Variants in PTPRS observed in about 807,000 individuals in gnomAD.
PTPRS encodes receptor-type tyrosine-protein phosphatase S.
PTPRS carries 63 observed loss-of-function variants against 215.3 expected under a neutral mutation model. The ratio of observed to expected loss-of-function variants is 0.29; its 90% CI spans 0.24 to 0.36. The LOEUF (loss-of-function observed/expected upper bound fraction) is 0.36, where lower values mean the gene tolerates loss of function less well. Among genes scored for constraint, PTPRS ranks in the 10% least tolerant of loss-of-function variants. The probability of loss-of-function intolerance (pLI) is 1.00; values close to 1 mark genes in which losing one functional copy is unlikely to be tolerated. For missense variants in PTPRS, 2,258 were observed against 2,825.8 expected, an observed-to-expected ratio of 0.80 and a Z score of 4.56; for synonymous variants, 1,404 against 1,191.4, an observed-to-expected ratio of 1.18 and a Z score of -3.68.
In PTPRS at chr19:5,212,481, C is replaced by T; in HGVS notation, c.4625G>A (p.Ser1542Asn). 1 of 1,590,332 alleles carries T rather than the reference C, an allele frequency of 6.3e-7. No homozygotes were observed. The highest frequency in any genetic ancestry group is 8.6e-7 in the Non-Finnish European group (1 of 1,168,050). ...GAACTGGCGGACCTCGCGTTTCTCA[C>T]TGGAGCCATTCTGGGGACCACAAGG... ...RTFSLHKNGSSEKREVRQFQF... is the reference protein window; with the variant it reads ...RTFSLHKNGSNEKREVRQFQF... Residue 1542 changes from serine (S) to asparagine (N), a missense_variant, in exon 31 of 38, where the codon AGT becomes AAT. By Grantham distance (46) the Ser-to-Asn change is conservative. Coordinates refer to ENST00000262963, the MANE Select transcript of PTPRS (RefSeq NM_002850.4).
intron 9 of PTPRS, among the ~76,000 whole-genome samples, chr19:5,247,094 G>A (rs1430828830): frequency 6.6e-6 from 1 of 151,332 alleles, no homozygotes; most frequent in East Asian, 1.9e-4. Context: ...GAAAGAAGGG[G>A]GGGCCCACTT....
chr19:5,209,139 A>T (rs545812022), intron 35 of PTPRS, among the ~76,000 whole-genome samples: 35 of 152,108 alleles, frequency 2.3e-4, no homozygotes, highest in African/African-American at 8.4e-4. Context: ...ATCCACCACC[A>T]TCCCCTCTTG....
Position 5,331,779 on chromosome 19 carries a change from G to A in PTPRS, c.-95+8885C>T, listed in dbSNP as rs114266452. Among the ~76,000 whole-genome samples, 992 of 152,310 alleles carry A rather than the reference G, an allele frequency of 6.5e-3. 14 individuals are homozygous for A. Among genetic ancestry groups the A allele is most frequent in the African/African-American group, 0.023 (947 of 41,546 alleles). Reference sequence around the variant, plus strand: ...TAGATAATTCGCAGCCCTGCCCCGCGGGACAGCCGGCTTCCTTCTACGCAG... The same window carrying A: ...TAGATAATTCGCAGCCCTGCCCCGCAGGACAGCCGGCTTCCTTCTACGCAG... On this transcript the variant is annotated intron_variant, in intron 1 of 37. Coordinates refer to ENST00000262963, the MANE Select transcript of PTPRS (RefSeq NM_002850.4).
At chr19:5,208,630 G>A (rs968053972) in intron 35 of PTPRS, among the ~76,000 whole-genome samples, 5 of 151,910 alleles carry the variant, frequency 3.3e-5, no homozygotes, top group Non-Finnish European at 5.9e-5. Flanking sequence ...TTACAGGCAT[G>A]AGCCACCAGG....
At chr19:5,269,581 A>T (rs1568528165) in intron 4 of PTPRS, among the ~76,000 whole-genome samples, 1 of 151,972 alleles carries the variant, frequency 6.6e-6, no homozygotes, top group Non-Finnish European at 1.5e-5. Flanking sequence ...AGGAAGAATG[A>T]GCTCCCAGCC....
intron 26 of PTPRS, 134 bp downstream of exon 26, chr19:5,216,586 A>G (rs2041479730): frequency 1.3e-6 from 1 of 764,014 alleles, no homozygotes; most frequent in South Asian, 1.7e-5. Flanking sequence ...TCCAGGAGCC[A>G]GCACAAGACA....
Position 5,287,646 on chromosome 19 carries a change from T to C in PTPRS, c.-94-1412A>G, listed in dbSNP as rs970816768. 6.6e-6 allele frequency among the ~76,000 whole-genome samples: 1 copy of C among 152,204 alleles called. No individual in the cohort carries two copies. Among genetic ancestry groups the C allele is most frequent in the Non-Finnish European group, 1.5e-5 (1 of 68,028 alleles). ...AATAACGGGGCAGCCCCTGTGATTC[T>C]GACTCCCAAAATACCCAGCTGCGGT... On this transcript the variant is annotated intron_variant, in intron 1 of 37. Coordinates refer to ENST00000262963, the MANE Select transcript of PTPRS (RefSeq NM_002850.4). The surrounding 1 kb of genome is among the most constrained non-coding windows in gnomAD (Gnocchi z 4.8).
At chr19:5,212,700 A>G (rs372244138) in intron 30 of PTPRS, among the ~76,000 whole-genome samples, 6,386 of 152,156 alleles carry the variant, frequency 0.042, 463 homozygotes, top group African/African-American at 0.15. Context: ...AAAATTAGCT[A>G]GGCATGGTGG....
rs771976403 is a variant in PTPRS, at chr19:5,244,229, G to A, written c.1242C>T (p.Ser414=). Residue 414 remains serine (S), a synonymous_variant, in exon 11 of 38, where the codon AGC becomes AGT. Transcript: ENST00000262963. The surrounding 1 kb of genome is among the most constrained non-coding windows in gnomAD (Gnocchi z 7.2). ...CGCCTGTGCGGGTGACCACGGACTC[G>A]CTGGGGGGCCCCTGGCCGATGGAGT... ...AVNSIGQGPP[S]ESVVTRTGEQ... 6.2e-6 allele frequency: 10 copies of A among 1,611,440 alleles called. No homozygotes were observed. Among genetic ancestry groups the A allele is most frequent in the South Asian group, 3.3e-5 (3 of 90,742 alleles).
In PTPRS at chr19:5,338,105, C is replaced by T. The variant is rs898546389; in HGVS notation, c.-95+2559G>A. 1.3e-5 allele frequency among the ~76,000 whole-genome samples: 2 copies of T among 151,414 alleles called. No individual in the cohort carries two copies. Among genetic ancestry groups the T allele is most frequent in the Non-Finnish European group, 1.5e-5 (1 of 67,778 alleles). On this transcript the variant is annotated intron_variant, in intron 1 of 37. Transcript: ENST00000262963. This position sits in a 1 kb window ranked among gnomAD's most constrained non-coding sequence, Gnocchi z 4.2. ...AAAATGACCTGTCACCCATCTCCCGCGGGGAGTGGGGAGCGGGCCAGTCCA... is the reference window on the plus strand; with the variant it reads ...AAAATGACCTGTCACCCATCTCCCGTGGGGAGTGGGGAGCGGGCCAGTCCA...
At chr19:5,296,777 C>T (rs2147061685) in intron 1 of PTPRS, among the ~76,000 whole-genome samples, 1 of 151,920 alleles carries the variant, frequency 6.6e-6, no homozygotes, top group South Asian at 2.1e-4. Context: ...TCAGAGGCCT[C>T]CAGGAGGAAT....
rs116153762 is a variant in PTPRS at position 5,241,833 on chromosome 19, G to A, written c.1571-1501C>T. On this transcript the variant is annotated intron_variant, in intron 11 of 37. Transcript: ENST00000262963. ...GACTGGCCCACTGCCTTAGGGGTGA[G>A]GCAGTTTTCTTTTATTTTTGAGACA... Among the ~76,000 whole-genome samples the A allele has an allele frequency of 2.4e-3, 365 of 151,944 alleles. 2 individuals are homozygous for A. Among genetic ancestry groups the A allele is most frequent in the African/African-American group, 8.4e-3 (347 of 41,452 alleles).
intron 22 of PTPRS, 40 bp from the exon 23 acceptor site, chr19:5,219,507 T>C: frequency 1.3e-6 from 2 of 1,521,072 alleles, no homozygotes; most frequent in Non-Finnish European, 1.8e-6. Flanking sequence ...GTGTCCACCC[T>C]CCTTGTAGTG....
At chr19:5,238,597 AGAG>A (rs2043693268) in intron 13 of PTPRS, among the ~76,000 whole-genome samples, 2 of 152,188 alleles carry the variant, frequency 1.3e-5, no homozygotes, top group African/African-American at 2.4e-5. Flanking sequence ...CAGGATGGAA[AGAG>A]GAGAAAGAAG....
chr19:5,258,974 T>G (rs372455126), intron 7 of PTPRS, among the ~76,000 whole-genome samples: 2 of 152,178 alleles, frequency 1.3e-5, no homozygotes, highest in South Asian at 4.1e-4. Flanking sequence ...CTTCTTCAAG[T>G]GTGTTTGAAA....
chr19:5,211,412 C>A (rs538427330), intron 33 of PTPRS, among the ~76,000 whole-genome samples, 178 bp downstream of exon 33: 2 of 152,156 alleles, frequency 1.3e-5, no homozygotes, highest in Non-Finnish European at 2.9e-5. Flanking sequence ...CAGTTAAACA[C>A]ACACCCAAAG....
chr19:5,225,931 G>A, intron 16 of PTPRS, 87 bp from the exon 17 acceptor site: 1 of 1,096,478 alleles, frequency 9.1e-7, no homozygotes, highest in Non-Finnish European at 1.4e-6. Flanking sequence ...AACAAGCAAG[G>A]AGGATGCAGG....
At position 5,205,977 on chromosome 19, in the gene PTPRS, A is replaced by AG. The variant is rs1304489225; in HGVS notation, c.*796dup. Among the ~76,000 whole-genome samples, 2 of 149,454 alleles carry AG rather than the reference A, an allele frequency of 1.3e-5. No individual in the cohort carries two copies. The highest frequency in any genetic ancestry group is 4.9e-5 in the African/African-American group (2 of 40,630). On this transcript the variant is annotated 3_prime_UTR_variant, in exon 38 of 38. Coordinates refer to ENST00000262963, the MANE Select transcript of PTPRS (RefSeq NM_002850.4). Reference sequence around the variant, plus strand: ...TTTAATTTATAAAAATGAAACAAAAAGGGGGAAAAAAAAAGCCAAGAAAGA... The same window carrying AG: ...TTTAATTTATAAAAATGAAACAAAAAGGGGGGAAAAAAAAAGCCAAGAAAGA...
chr19:5,238,132 C>T (rs946511211), intron 13 of PTPRS, among the ~76,000 whole-genome samples: 27 of 152,148 alleles, frequency 1.8e-4, no homozygotes, highest in African/African-American at 5.3e-4. Context: ...GGGAAGGCCA[C>T]GCTGGGCTGA....
Sources: gnomAD v4.1 joint callset for allele counts (sites outside exome capture counted in the v4.1 genomes callset) on GRCh38, gnomAD v4.1.1 for gene constraint, Gnocchi (gnomAD v3.1) non-coding constraint, MANE v1.5 for transcripts, NCBI Gene and HGNC (gene_info 2026-07-23, HGNC 2026-07-21) for gene names.